Variants in KCNJ16 observed in about 807,000 individuals in gnomAD.
KCNJ16 encodes the protein potassium inwardly rectifying channel subfamily J member 16.
A neutral mutation model predicts 18.5 loss-of-function variants in KCNJ16; 15 were observed. The ratio of observed to expected loss-of-function variants is 0.81; its 90% CI spans 0.54 to 1.25. The LOEUF is 1.25. Among genes scored for constraint, KCNJ16 ranks in the 50% most tolerant of loss-of-function variants. KCNJ16 has a pLI of 0.00. For synonymous variants in KCNJ16, 174 were observed against 186.5 expected, an observed-to-expected ratio of 0.93 and a Z score of 0.55; for missense variants, 523 against 525.7, an observed-to-expected ratio of 0.99 and a Z score of 0.05.
intron 2 of KCNJ16, among the ~76,000 whole-genome samples, chr17:70,129,138 T>G (rs1194828431): frequency 6.6e-6 from 1 of 152,182 alleles, no homozygotes; most frequent in African/African-American, 2.4e-5. Flanking sequence ...CAGTGGAAAG[T>G]CTTTCAATAG....
intron 1 of KCNJ16, among the ~76,000 whole-genome samples, chr17:70,092,630 C>T (rs12709248): frequency 0.85 from 128,839 of 151,820 alleles, 54,742 homozygotes; most frequent in East Asian, 0.96. Flanking sequence ...ATAATGAAAA[C>T]TGACTTATTC....
At chr17:70,125,167 G>A (rs1252529952) in intron 2 of KCNJ16, among the ~76,000 whole-genome samples, 1 of 152,050 alleles carries the variant, frequency 6.6e-6, no homozygotes, top group Non-Finnish European at 1.5e-5. Flanking sequence ...TTACTTGGGA[G>A]GCTGAGGTGG....
At chr17:70,104,633 T>C (rs565914921) in intron 2 of KCNJ16, among the ~76,000 whole-genome samples, 1 of 152,284 alleles carries the variant, frequency 6.6e-6, no homozygotes, top group East Asian at 1.9e-4. Context: ...TCCAGGACAA[T>C]AAGAAATTTA....
At chr17:70,089,249 T>C (rs2071975599) in intron 1 of KCNJ16, among the ~76,000 whole-genome samples, 1 of 152,206 alleles carries the variant, frequency 6.6e-6, no homozygotes, top group Non-Finnish European at 1.5e-5. Context: ...GGGGCCACGC[T>C]ATCCTCATTT....
intron 1 of KCNJ16, among the ~76,000 whole-genome samples, chr17:70,076,191 A>T (rs984692087): frequency 6.6e-6 from 1 of 152,184 alleles, no homozygotes; most frequent in African/African-American, 2.4e-5. Flanking sequence ...GGTCTTTAGA[A>T]AAAGAGTATT....
At chr17:70,078,740 CTG>C (rs1400531703) in intron 1 of KCNJ16, among the ~76,000 whole-genome samples, 17 of 152,128 alleles carry the variant, frequency 1.1e-4, no homozygotes, top group Non-Finnish European at 2.1e-4. Context: ...AAAGGCATGT[CTG>C]TAAATAATTA....
intron 1 of KCNJ16, among the ~76,000 whole-genome samples, chr17:70,092,543 GATAGATATAGATAGATGATAGAT>G (rs2072153150): frequency 1.2e-4 from 1 of 8,078 alleles, no homozygotes; most frequent in Non-Finnish European, 3.0e-4. Context: ...GATAGATATA[GATAGATATAGATAGATGATAGAT>G]ATAGATAGAT....
intron 1 of KCNJ16, among the ~76,000 whole-genome samples, chr17:70,085,275 C>T (rs1001709953): frequency 4.6e-5 from 7 of 152,156 alleles, no homozygotes; most frequent in African/African-American, 1.7e-4. Context: ...TTTCACAACA[C>T]AGGGTTCTAA....
chr17:70,082,304 G>A (rs1474744419), intron 1 of KCNJ16, among the ~76,000 whole-genome samples: 1 of 152,172 alleles, frequency 6.6e-6, no homozygotes, highest in Non-Finnish European at 1.5e-5. Context: ...AGGGTTTTCG[G>A]TGTGAAGATA....
intron 2 of KCNJ16, among the ~76,000 whole-genome samples, chr17:70,116,904 A>G (rs2073431322): frequency 6.6e-6 from 1 of 152,178 alleles, no homozygotes; most frequent in Admixed American, 6.5e-5. Flanking sequence ...GAGATTTCTC[A>G]AAGAACTTAA....
rs1487327248 is a variant in KCNJ16, at chr17:70,104,158, G to T, written c.-191+3392G>T. ...ATTTTTTATTTTTAGTAGAGATGAG[G>T]TTTCACTACATTGCCCAGGTTGGTC... On this transcript the variant is annotated intron_variant, in intron 2 of 3. Coordinates refer to ENST00000392671, the MANE Select transcript of KCNJ16 (RefSeq NM_170741.4). 3.3e-5 allele frequency among the ~76,000 whole-genome samples: 5 copies of T among 151,952 alleles called. No individual in the cohort carries two copies. The East Asian group carries it at 9.7e-4, about 29-fold the overall frequency.
chr17:70,103,518 T>A (rs2072772199), intron 2 of KCNJ16, among the ~76,000 whole-genome samples: 1 of 151,716 alleles, frequency 6.6e-6, no homozygotes, highest in African/African-American at 2.4e-5. Context: ...CATGTCACAA[T>A]TTTTCCTCCT....
intron 1 of KCNJ16, among the ~76,000 whole-genome samples, chr17:70,092,920 A>C (rs1247472664): frequency 1.3e-5 from 2 of 152,158 alleles, no homozygotes; most frequent in Non-Finnish European, 2.9e-5. Flanking sequence ...CACATTAGCG[A>C]GGGCATTCTT....
chr17:70,124,077 T>C (rs2144179638), intron 2 of KCNJ16, among the ~76,000 whole-genome samples: 1 of 151,764 alleles, frequency 6.6e-6, no homozygotes, highest in South Asian at 2.1e-4. Flanking sequence ...AACAACCAGA[T>C]AGTGACTGTA....
chr17:70,116,429 G>A (rs548687499), intron 2 of KCNJ16, among the ~76,000 whole-genome samples: 1 of 152,154 alleles, frequency 6.6e-6, no homozygotes, highest in South Asian at 2.1e-4. Context: ...AATTTCTTTA[G>A]AAAAAAATTG....
chr17:70,085,663 C>T (rs756985761), intron 1 of KCNJ16, among the ~76,000 whole-genome samples: 14 of 151,988 alleles, frequency 9.2e-5, no homozygotes, highest in Non-Finnish European at 1.9e-4. Context: ...GAAACCCTAC[C>T]ACCTCAATTC....
chr17:70,099,563 A>T (rs894024796), intron 1 of KCNJ16, among the ~76,000 whole-genome samples: 6 of 152,088 alleles, frequency 3.9e-5, no homozygotes, highest in Non-Finnish European at 7.3e-5. Flanking sequence ...AGAGACGGAC[A>T]GCCATCTTGA....
chr17:70,075,516 G>A (rs1379267736), intron 1 of KCNJ16, 126 bp downstream of exon 1: 1 of 152,152 alleles, frequency 6.6e-6, no homozygotes, highest in Non-Finnish European at 1.5e-5. Context: ...TCAATTAAAT[G>A]CAATTAAGAT....
intron 1 of KCNJ16, chr17:70,096,770 A>G (rs1445301613): frequency 2.6e-6 from 1 of 386,672 alleles, no homozygotes; most frequent in Non-Finnish European, 4.6e-6. Context: ...GCGAGCGTGA[A>G]TGGATATTAG....
Sources: gnomAD v4.1 joint callset for allele counts (sites outside exome capture counted in the v4.1 genomes callset) on GRCh38, gnomAD v4.1.1 for gene constraint, MANE v1.5 for transcripts, NCBI Gene and HGNC (gene_info 2026-07-23, HGNC 2026-07-21) for gene names.